SGMS1: variants seen among roughly 807,000 people sequenced by gnomAD.
SGMS1 encodes phosphatidylcholine:ceramide cholinephosphotransferase 1.
Under a neutral mutation model 46.2 loss-of-function variants are expected in SGMS1, and 13 were observed. The ratio of observed to expected loss-of-function variants is 0.28; its 90% confidence interval spans 0.18 to 0.45. The LOEUF (loss-of-function observed/expected upper bound fraction) is 0.45. Among genes scored for constraint, SGMS1 ranks in the 20% least tolerant of loss-of-function variants. The pLI is 1.00. For missense variants in SGMS1, 324 were observed against 519.9 expected (o/e 0.62, Z 3.66); for synonymous variants, 203 against 187.8 (o/e 1.08, Z -0.66).
chr10:50,325,487 G>A (rs1409272634), intron 8 of SGMS1, among the ~76,000 whole-genome samples: 3 of 152,136 alleles, frequency 2.0e-5, no homozygotes, highest in Admixed American at 6.5e-5. Flanking sequence ...TGAGCAACAC[G>A]TTTGAGTTTG....
intron 2 of SGMS1, among the ~76,000 whole-genome samples, chr10:50,540,636 G>A (rs1434548518): frequency 6.6e-6 from 1 of 152,182 alleles, no homozygotes; most frequent in African/African-American, 2.4e-5. Context: ...GAAAGTGGAA[G>A]TGAATGCTAT....
At chr10:50,582,260 C>G (rs2131878452) in intron 2 of SGMS1, among the ~76,000 whole-genome samples, 1 of 152,298 alleles carries the variant, frequency 6.6e-6, no homozygotes, top group African/African-American at 2.4e-5. Flanking sequence ...CCTCAGAGAA[C>G]AGCAAGACCC....
chr10:50,419,119 G>T (rs1302001104), intron 6 of SGMS1, among the ~76,000 whole-genome samples: 1 of 151,986 alleles, frequency 6.6e-6, no homozygotes, highest in Admixed American at 6.6e-5. Flanking sequence ...TAGGGTTCAG[G>T]ACCATCGAGA....
At position 50,535,125 on chromosome 10, in the gene SGMS1, G is replaced by C. The variant is rs186053098; in HGVS notation, c.-588-15204C>G. ...CAGGTGCCTGTAGTCCCAGCTACTC[G>C]GGAGCCTGAGGGAGGAGAATCACTT... On this transcript the variant is annotated intron_variant, in intron 2 of 10. Transcript: ENST00000361781. Among the ~76,000 whole-genome samples the C allele has an allele frequency of 1.0e-3, 157 of 151,982 alleles. 1 individual carries two copies. Among genetic ancestry groups the C allele is most frequent in the African/African-American group, 3.5e-3 (144 of 41,494 alleles).
At chr10:50,384,139 C>T (rs1265694810) in intron 6 of SGMS1, among the ~76,000 whole-genome samples, 2 of 152,064 alleles carry the variant, frequency 1.3e-5, no homozygotes, top group East Asian at 1.9e-4. Flanking sequence ...ATTGTTTATA[C>T]GCCACCCAGT....
At chr10:50,452,426 A>C (rs1837121706) in intron 5 of SGMS1, among the ~76,000 whole-genome samples, 1 of 152,174 alleles carries the variant, frequency 6.6e-6, no homozygotes, top group Non-Finnish European at 1.5e-5. Context: ...CACATACTAA[A>C]ACAAAACAAC....
intron 6 of SGMS1, among the ~76,000 whole-genome samples, chr10:50,425,753 T>A (rs966102572): frequency 2.6e-5 from 4 of 152,158 alleles, no homozygotes; most frequent in African/African-American, 4.8e-5. Flanking sequence ...AAAACGGAAA[T>A]TTTTTAAAAA....
chr10:50,512,301 A>G (rs1837763933), intron 3 of SGMS1, among the ~76,000 whole-genome samples: 1 of 152,084 alleles, frequency 6.6e-6, no homozygotes, highest in Admixed American at 6.6e-5. Flanking sequence ...CTGTCAGAGA[A>G]AAAAAACCAG....
intron 5 of SGMS1, among the ~76,000 whole-genome samples, chr10:50,459,489 C>T (rs11005782): frequency 0.097 from 14,797 of 152,026 alleles, 1,540 homozygotes; most frequent in East Asian, 0.43. Context: ...CTGCAACCTC[C>T]GCCTCCCGGG....
At chr10:50,539,880 A>G (rs1166168281) in intron 2 of SGMS1, among the ~76,000 whole-genome samples, 1 of 152,250 alleles carries the variant, frequency 6.6e-6, no homozygotes, top group East Asian at 1.9e-4. Context: ...AGGCTCATAT[A>G]TAGACATGAT....
chr10:50,344,583 C>A (rs766363838), intron 6 of SGMS1, among the ~76,000 whole-genome samples: 6 of 152,124 alleles, frequency 3.9e-5, no homozygotes, highest in South Asian at 2.1e-4. Flanking sequence ...GAATTTCCAA[C>A]GGTCAGCCGG....
chr10:50,493,716 ACT>A (rs1327338907), intron 3 of SGMS1, among the ~76,000 whole-genome samples: 1 of 152,106 alleles, frequency 6.6e-6, no homozygotes, highest in Non-Finnish European at 1.5e-5. Context: ...AAAAAAAAAA[ACT>A]CAACATCACT....
At chr10:50,350,946 A>G (rs2133379641) in intron 6 of SGMS1, among the ~76,000 whole-genome samples, 1 of 152,276 alleles carries the variant, frequency 6.6e-6, no homozygotes, top group East Asian at 1.9e-4. Flanking sequence ...ACCATCCTCC[A>G]GACCCCAGAA....
At chr10:50,417,335 A>G (rs1386746190) in intron 6 of SGMS1, among the ~76,000 whole-genome samples, 3 of 152,206 alleles carry the variant, frequency 2.0e-5, no homozygotes, top group Non-Finnish European at 4.4e-5. Flanking sequence ...ATGTTATGAT[A>G]AATATTTGTA....
At chr10:50,355,815 T>G (rs1433116877) in intron 6 of SGMS1, among the ~76,000 whole-genome samples, 1 of 149,346 alleles carries the variant, frequency 6.7e-6, no homozygotes, top group Non-Finnish European at 1.5e-5. Flanking sequence ...CGTCATCCCG[T>G]CTAGGATGTG....
chr10:50,480,847 G>T (rs932967802), intron 3 of SGMS1, among the ~76,000 whole-genome samples: 2 of 152,194 alleles, frequency 1.3e-5, no homozygotes, highest in Non-Finnish European at 2.9e-5. Flanking sequence ...AGACTGGGCA[G>T]TTTGGACCAA....
At chr10:50,342,555 T>C (rs1847836285) in intron 7 of SGMS1, 1 of 152,292 alleles carries the variant, frequency 6.6e-6, no homozygotes, top group Admixed American at 6.5e-5. Flanking sequence ...TCAAAGAACA[T>C]TCAGCATGAA....
intron 5 of SGMS1, among the ~76,000 whole-genome samples, chr10:50,438,378 A>C (rs567212551): frequency 6.6e-6 from 1 of 152,346 alleles, no homozygotes; most frequent in South Asian, 2.1e-4. Context: ...GCCTACTGAG[A>C]GAGCCCCATG....
rs150427333 is a variant in SGMS1, at chr10:50,599,013, T to C, written c.-683-8766A>G. Among the ~76,000 whole-genome samples, 688 of 152,166 alleles carry C rather than the reference T, an allele frequency of 4.5e-3. 2 individuals are homozygous for C. Among genetic ancestry groups the C allele is most frequent in the Middle Eastern group, 0.01 (3 of 294 alleles). On this transcript the variant is annotated intron_variant, in intron 1 of 10. Coordinates refer to ENST00000361781, the MANE Select transcript of SGMS1 (RefSeq NM_147156.4). ...AAAGTGAGGTGATGAAAGTAGCCAATAGCAGAGAAAAGATAAGAGACCCAG... is the reference window on the plus strand; with the variant it reads ...AAAGTGAGGTGATGAAAGTAGCCAACAGCAGAGAAAAGATAAGAGACCCAG...
Sources: gnomAD v4.1 joint callset for allele counts (sites outside exome capture counted in the v4.1 genomes callset) on GRCh38, gnomAD v4.1.1 for gene constraint, MANE v1.5 for transcripts, NCBI Gene and HGNC (gene_info 2026-07-23, HGNC 2026-07-21) for gene names.